The following NPAS2 variants were observed in gnomAD, a reference collection of about 807,000 sequenced individuals.
NPAS2 encodes neuronal PAS domain-containing protein 2.
In NPAS2, 23 loss-of-function variants were observed where a neutral mutation model predicts 107.5. That is an observed-to-expected ratio of 0.21 (90% CI 0.15 to 0.30). The LOEUF (loss-of-function observed/expected upper bound fraction) is 0.30, where lower values mean the gene tolerates loss of function less well. NPAS2 is among the 10% of genes least tolerant of loss of function. The pLI is 1.00. For synonymous variants in NPAS2, 403 were observed against 417.5 expected (o/e 0.97, Z 0.42); for missense variants, 756 against 1,043.3 (o/e 0.72, Z 3.79).
chr2:100,988,038 C>T (rs535282255), intron 16 of NPAS2, 41 bp from the exon 17 acceptor site: 301 of 1,604,554 alleles, frequency 1.9e-4, no homozygotes, highest in Non-Finnish European at 2.5e-4. Flanking sequence ...GGTGAGGTAC[C>T]CATGACCCCA....
intron 3 of NPAS2, among the ~76,000 whole-genome samples, chr2:100,929,317 C>G (rs1240501242): frequency 6.6e-6 from 1 of 152,176 alleles, no homozygotes; most frequent in Non-Finnish European, 1.5e-5. Context: ...CAGCCTGTCT[C>G]CAGAGCCCAA....
intron 1 of NPAS2, among the ~76,000 whole-genome samples, chr2:100,825,617 T>C (rs924993119): frequency 6.6e-6 from 1 of 152,184 alleles, no homozygotes; most frequent in Non-Finnish European, 1.5e-5. Flanking sequence ...GTTTATCAGA[T>C]TGGCCACTCA....
At chr2:100,969,641 T>C (rs1262816412) in intron 11 of NPAS2, among the ~76,000 whole-genome samples, 1 of 152,126 alleles carries the variant, frequency 6.6e-6, no homozygotes, top group African/African-American at 2.4e-5. Context: ...ATGGATATGT[T>C]TTGAGAAATG....
At chr2:100,987,411 T>G (rs1411642591) in intron 16 of NPAS2, 1 of 152,230 alleles carries the variant, frequency 6.6e-6, no homozygotes, top group Admixed American at 6.5e-5. Context: ...ATCATGATGA[T>G]TACAAAACTT....
At chr2:100,924,565 A>G (rs1056572069) in intron 2 of NPAS2, among the ~76,000 whole-genome samples, 3 of 152,224 alleles carry the variant, frequency 2.0e-5, no homozygotes, top group Non-Finnish European at 4.4e-5. Context: ...TGCTCTTAGC[A>G]GCTTGACAGC....
chr2:100,923,400 G>A (rs1203224650), intron 2 of NPAS2, among the ~76,000 whole-genome samples: 2 of 152,202 alleles, frequency 1.3e-5, no homozygotes, highest in Admixed American at 6.5e-5. Flanking sequence ...TTGAAATAAA[G>A]GCAGGTTGTG....
chr2:100,995,851 C>T lies in NPAS2; in HGVS notation c.*269C>T. The T allele has an allele frequency of 6.6e-7, 1 of 1,518,844 alleles. No homozygotes were observed. Among genetic ancestry groups the T allele is most frequent in the Non-Finnish European group, 8.9e-7 (1 of 1,127,502 alleles). The allele number at this position is 1,518,844 out of a possible 1,614,324, so 94.1% of individuals were successfully genotyped here. A position where few individuals can be genotyped will look rare whatever the true frequency, so the allele number is the denominator to read the frequency against. On this transcript the variant is annotated 3_prime_UTR_variant, in exon 21 of 21. Coordinates refer to ENST00000335681, the MANE Select transcript of NPAS2 (RefSeq NM_002518.4). ...ACAGGAACCAGGTGCCCCGTGTAGG[C>T]ATCGTCGGTCGGTTTGCCGTCAGAG...
chr2:100,977,847 C>A (rs774840877), intron 15 of NPAS2, 48 bp downstream of exon 15: 5 of 1,501,130 alleles, frequency 3.3e-6, no homozygotes, highest in Non-Finnish European at 1.9e-6. Flanking sequence ...GCCAGAAGTC[C>A]GCAGTGTGCT....
rs564377753 is a variant in NPAS2, at chr2:100,929,535, G to A, written c.182-3375G>A. On this transcript the variant is annotated intron_variant, in intron 3 of 20. Coordinates refer to ENST00000335681, the MANE Select transcript of NPAS2 (RefSeq NM_002518.4). Reference sequence around the variant, plus strand: ...AACCCCCCACAGACCAATATGTCATGATCTCTAGGGGTGGGACCACAATGG... The same window carrying A: ...AACCCCCCACAGACCAATATGTCATAATCTCTAGGGGTGGGACCACAATGG... Among the ~76,000 whole-genome samples the A allele has an allele frequency of 2.6e-5, 4 of 152,312 alleles. No individual in the cohort carries two copies. In the South Asian group the frequency reaches 6.2e-4, roughly 24 times the overall value.
At chr2:100,860,745 T>C (rs558719995) in intron 1 of NPAS2, among the ~76,000 whole-genome samples, 1 of 152,320 alleles carries the variant, frequency 6.6e-6, no homozygotes, top group African/African-American at 2.4e-5. Flanking sequence ...CAGATTTGGC[T>C]GGGGAGAGCT....
intron 1 of NPAS2, among the ~76,000 whole-genome samples, chr2:100,843,503 C>T (rs1007313180): frequency 3.3e-5 from 5 of 152,130 alleles, no homozygotes; most frequent in Non-Finnish European, 5.9e-5. Flanking sequence ...TTGATAGTCT[C>T]AGGTAAAAGT....
intron 7 of NPAS2, among the ~76,000 whole-genome samples, chr2:100,958,573 A>G (rs765574841): frequency 3.3e-5 from 5 of 152,110 alleles, no homozygotes; most frequent in Non-Finnish European, 5.9e-5. Context: ...AAATCACTGT[A>G]AAAAAATTGT....
intron 1 of NPAS2, among the ~76,000 whole-genome samples, chr2:100,873,522 TCA>T (rs1382760286): frequency 6.6e-6 from 1 of 151,598 alleles, no homozygotes; most frequent in Non-Finnish European, 1.5e-5. Context: ...TCTCCAAATT[TCA>T]CAGTTAATGG....
At position 100,974,783 on chromosome 2, in the gene NPAS2, G is replaced by C. The variant is rs1404922623; in HGVS notation, c.1141-20G>C. 6.2e-7 allele frequency: 1 copy of C among 1,611,944 alleles called. No homozygotes were observed. The highest frequency in any genetic ancestry group is 1.7e-5 in the Admixed American group (1 of 59,792). ...TCCTCTTGATGCTGACATGAGGACT[G>C]TTTGATGTGTGTGTTTCAGGACAAG... On this transcript the variant is annotated intron_variant, in intron 12 of 20. Coordinates refer to ENST00000335681, the MANE Select transcript of NPAS2 (RefSeq NM_002518.4).
chr2:100,856,931 G>A (rs1192230636), intron 1 of NPAS2, among the ~76,000 whole-genome samples: 2 of 152,196 alleles, frequency 1.3e-5, no homozygotes, highest in Admixed American at 1.3e-4. Flanking sequence ...ATGGAGAGTG[G>A]TAGGGCGTGC....
chr2:100,844,337 TATTTTGATAA>T (rs1677637430), intron 1 of NPAS2, among the ~76,000 whole-genome samples: 1 of 152,196 alleles, frequency 6.6e-6, no homozygotes, highest in Non-Finnish European at 1.5e-5. Context: ...GATCAGCAAG[TATTTTGATAA>T]ATCTCCTTAA....
Position 100,934,241 on chromosome 2 carries a change from A to G in NPAS2, c.273+1240A>G, listed in dbSNP as rs1040460002. The G allele has an allele frequency of 2.6e-5, 4 of 152,214 alleles. No individual in the cohort carries two copies. The East Asian group carries it at 7.7e-4, about 29-fold the overall frequency. 9.4% of individuals were successfully genotyped at this position (152,214 alleles called of 1,614,324 possible). A position where few individuals can be genotyped will look rare whatever the true frequency, so the allele number is the denominator to read the frequency against. On this transcript the variant is annotated intron_variant, in intron 4 of 20. Transcript: ENST00000335681. ...ATTTACATAAATCGATTTATCTTTT[A>G]ATTCTTATGGAAAAGTAGTTAAAAC...
intron 7 of NPAS2, among the ~76,000 whole-genome samples, chr2:100,960,758 G>T (rs550706966): frequency 6.6e-6 from 1 of 152,190 alleles, no homozygotes; most frequent in East Asian, 1.9e-4. Flanking sequence ...GGGTCCCAAG[G>T]TCTGTGTGCT....
chr2:100,865,175 C>T (rs1334780885), intron 1 of NPAS2, among the ~76,000 whole-genome samples: 1 of 152,196 alleles, frequency 6.6e-6, no homozygotes, highest in East Asian at 1.9e-4. Context: ...GGTCACCAGA[C>T]CACACTTTGA....
Sources: allele counts gnomAD v4.1 joint callset (sites outside exome capture counted in the v4.1 genomes callset), GRCh38; gene constraint gnomAD v4.1.1; transcripts MANE v1.5; gene names NCBI Gene and HGNC (gene_info 2026-07-23, HGNC 2026-07-21).